The following ECM2 variants were observed in gnomAD, a reference collection of about 807,000 sequenced individuals.
ECM2 encodes extracellular matrix protein 2, female organ and adipocyte specific.
In ECM2, 57 loss-of-function variants were observed where a neutral mutation model predicts 67.5. The ratio of observed to expected loss-of-function variants is 0.84; its 90% confidence interval spans 0.68 to 1.05. The LOEUF (loss-of-function observed/expected upper bound fraction) is 1.05. Ranked by LOEUF, ECM2 falls within the 50% of genes least tolerant of loss-of-function variation. The pLI is 0.00. For missense variants in ECM2, 741 were observed against 822.8 expected, an observed-to-expected ratio of 0.90 and a Z score of 1.22; for synonymous variants, 258 against 294.5, an observed-to-expected ratio of 0.88 and a Z score of 1.27.
At chr9:92,518,020 G>A (rs1288091070) in intron 2 of ECM2, 145 bp from the exon 3 acceptor site, 23 of 960,774 alleles carry the variant, frequency 2.4e-5, no homozygotes, top group East Asian at 1.6e-4. Context: ...TAAAGATGTC[G>A]TATAGACATA....
chr9:92,546,493 G>A, the ECM2 span, among the ~76,000 whole-genome samples: 1 of 152,170 alleles, frequency 6.6e-6, no homozygotes, highest in Non-Finnish European at 1.5e-5. Flanking sequence ...CCCACTGGGA[G>A]AAAAGAACAA....
chr9:92,525,751 G>C (rs953947192), intron 1 of ECM2, among the ~76,000 whole-genome samples: 4 of 151,924 alleles, frequency 2.6e-5, no homozygotes, highest in African/African-American at 7.3e-5. Context: ...TTAGCTGTGT[G>C]TGGTGGTGCA....
At chr9:92,494,885 G>A (rs1031960203), downstream of ECM2, among the ~76,000 whole-genome samples, 9 of 152,162 alleles carry the variant, frequency 5.9e-5, no homozygotes, top group East Asian at 1.5e-3. Flanking sequence ...CCAGCCTGGC[G>A]ACAGAGTGAC....
chr9:92,542,767 C>T, the ECM2 span, among the ~76,000 whole-genome samples: 2 of 152,192 alleles, frequency 1.3e-5, no homozygotes, highest in Non-Finnish European at 2.9e-5. Context: ...CGGCCTCGGC[C>T]TCCCAAAGCG....
At chr9:92,545,691 T>C in the ECM2 span, among the ~76,000 whole-genome samples, 1,158 of 152,314 alleles carry the variant, frequency 7.6e-3, 6 homozygotes, top group Non-Finnish European at 0.012. Flanking sequence ...ATCCACTGGG[T>C]GAATCCAGCT....
At position 92,512,003 on chromosome 9, in the gene ECM2, G is replaced by A. The variant is rs1445264209; in HGVS notation, c.1170+8C>T. ...CATCCAAATAGACAAATCAGAGCAT[G>A]TATTTACCTTGAATGCTTTTGGACC... On this transcript the variant is annotated splice_region_variant and intron_variant, in intron 5 of 9. Transcript: ENST00000344604. The A allele has an allele frequency of 6.3e-7, 1 of 1,591,098 alleles. No homozygotes were observed. The highest frequency in any genetic ancestry group is 1.1e-5 in the South Asian group (1 of 89,290).
chr9:92,532,697 C>T (rs913851079), intron 1 of ECM2, among the ~76,000 whole-genome samples: 15 of 151,906 alleles, frequency 9.9e-5, no homozygotes, highest in South Asian at 2.1e-4. Context: ...CTTTTTGTTT[C>T]CAATTCTTTG....
chr9:92,516,266 TG>T (rs1351877789), intron 3 of ECM2, among the ~76,000 whole-genome samples: 1 of 152,098 alleles, frequency 6.6e-6, no homozygotes, highest in Non-Finnish European at 1.5e-5. Flanking sequence ...GGTTTCACCA[TG>T]TTGACCAGGC....
intron 1 of ECM2, among the ~76,000 whole-genome samples, chr9:92,533,435 T>A (rs890783770): frequency 6.7e-6 from 1 of 149,130 alleles, no homozygotes; most frequent in Non-Finnish European, 1.5e-5. Context: ...TTTGTTTCTC[T>A]CTGTCCTCCT....
At chr9:92,532,217 C>T (rs908102270) in intron 1 of ECM2, among the ~76,000 whole-genome samples, 3 of 151,426 alleles carry the variant, frequency 2.0e-5, no homozygotes, top group Admixed American at 6.6e-5. Flanking sequence ...GAAATCATCT[C>T]TCAATCTAAT....
At chr9:92,538,370 C>T (rs1849239127), upstream of ECM2, among the ~76,000 whole-genome samples, 1 of 152,086 alleles carries the variant, frequency 6.6e-6, no homozygotes, top group African/African-American at 2.4e-5. Context: ...TACTAGAGAA[C>T]AAATTGGAAG....
intron 3 of ECM2, among the ~76,000 whole-genome samples, chr9:92,516,072 T>TCCCTCCCCCCCCCCC (rs1847691316): frequency 7.2e-6 from 1 of 139,694 alleles, no homozygotes; most frequent in South Asian, 2.5e-4. Context: ...TACTTTTTTT[T>TCCCTCCCCCCCCCCC]CCCCCCCCCG....
chr9:92,532,029 A>T (rs927866), intron 1 of ECM2, among the ~76,000 whole-genome samples: 34,693 of 84,150 alleles, frequency 0.41, 8,051 homozygotes, highest in African/African-American at 0.73. Context: ...TTTTTTTTTT[A>T]TTTTATTTTT....
the ECM2 span, among the ~76,000 whole-genome samples, chr9:92,548,618 A>G: frequency 1.3e-5 from 2 of 152,372 alleles, no homozygotes; most frequent in South Asian, 2.1e-4. Context: ...GAAGTTAAGG[A>G]AAAGATATGT....
chr9:92,510,068 C>G (rs899690821), intron 5 of ECM2, 34 bp from the exon 6 acceptor site: 34 of 1,573,792 alleles, frequency 2.2e-5, no homozygotes, highest in Non-Finnish European at 2.8e-5. Context: ...ACTTTTTTAT[C>G]TAGTCACAGC....
intron 1 of ECM2, among the ~76,000 whole-genome samples, chr9:92,524,954 A>C (rs564609255): frequency 1.1e-4 from 17 of 152,308 alleles, no homozygotes; most frequent in South Asian, 1.0e-3. Context: ...AAGGAGAGGC[A>C]TTGAAGGATT....
chr9:92,512,162 G>A, intron 4 of ECM2, 36 bp from the exon 5 acceptor site: 2 of 1,438,600 alleles, frequency 1.4e-6, no homozygotes, highest in Non-Finnish European at 2.0e-6. Context: ...AGGCATGTGT[G>A]CATATACATA....
intron 7 of ECM2, 150 bp from the exon 8 acceptor site, chr9:92,502,802 GTCTT>G: frequency 5.2e-6 from 2 of 384,810 alleles, no homozygotes; most frequent in African/African-American, 2.7e-5. Flanking sequence ...TTTTTAAGTT[GTCTT>G]TTTTTTTTTT....
intron 2 of ECM2, among the ~76,000 whole-genome samples, chr9:92,521,602 A>T (rs1488351241): frequency 6.6e-6 from 1 of 152,194 alleles, no homozygotes; most frequent in African/African-American, 2.4e-5. Flanking sequence ...ATTTAGTGGT[A>T]ACATGTCTAT....
Sources: allele counts gnomAD v4.1 joint callset (sites outside exome capture counted in the v4.1 genomes callset), GRCh38; gene constraint gnomAD v4.1.1; transcripts MANE v1.5; gene names NCBI Gene and HGNC (gene_info 2026-07-23, HGNC 2026-07-21).